NHLRC2: variants seen among roughly 807,000 people sequenced by gnomAD.
The protein encoded by NHLRC2 is NHL repeat-containing protein 2.
Under a neutral mutation model 68.1 loss-of-function variants are expected in NHLRC2, and 33 were observed. That is an observed-to-expected ratio of 0.48 (90% CI 0.37 to 0.65). The LOEUF is 0.65. NHLRC2 is among the 30% of genes least tolerant of loss of function. The pLI is 0.00. For missense variants in NHLRC2, 761 were observed against 853.8 expected, an observed-to-expected ratio of 0.89 and a Z score of 1.35; for synonymous variants, 311 against 309.6, an observed-to-expected ratio of 1.00 and a Z score of -0.05.
intron 4 of NHLRC2, among the ~76,000 whole-genome samples, chr10:113,882,863 T>TGTATATGGTGTGAAGG (rs1846047571): frequency 6.6e-6 from 1 of 151,994 alleles, no homozygotes; most frequent in South Asian, 2.1e-4. Flanking sequence ...AGTTGATTTT[T>TGTATATGGTGTGAAGG]GTATATGGTG....
chr10:113,873,423 A>G (rs1350344377), intron 2 of NHLRC2, among the ~76,000 whole-genome samples: 1 of 152,200 alleles, frequency 6.6e-6, no homozygotes, highest in Non-Finnish European at 1.5e-5. Context: ...ACAACTGGGT[A>G]TAATAATGAG....
At position 113,916,783 on chromosome 10, in the gene NHLRC2, CT is replaced by C. The variant is rs1458685154; in HGVS notation, c.*8249del. On this transcript the variant is annotated 3_prime_UTR_variant, in exon 11 of 11. Transcript: ENST00000369301. ...GGTCTGCTGTGCTAACTTCATGTTT[CT>C]TATTCCAAAGGCTTGATTATATTTT... 1 of 152,132 alleles carries C rather than the reference CT, an allele frequency of 6.6e-6. No individual in the cohort carries two copies. The highest frequency in any genetic ancestry group is 1.5e-5 in the Non-Finnish European group (1 of 68,004). 9.4% of individuals were successfully genotyped at this position (152,132 alleles called of 1,614,324 possible).
chr10:113,895,571 C>G (rs1427115914), intron 5 of NHLRC2, among the ~76,000 whole-genome samples: 1 of 152,054 alleles, frequency 6.6e-6, no homozygotes, highest in East Asian at 1.9e-4. Context: ...AGGGAGCACA[C>G]TAAGGTATAG....
At chr10:113,893,602 G>A (rs1233151418) in intron 5 of NHLRC2, among the ~76,000 whole-genome samples, 1 of 152,114 alleles carries the variant, frequency 6.6e-6, no homozygotes, top group African/African-American at 2.4e-5. Flanking sequence ...ACCCTGACCT[G>A]ACACTGCTGC....
chr10:113,869,448 A>G (rs997364169), intron 2 of NHLRC2, among the ~76,000 whole-genome samples: 3 of 152,186 alleles, frequency 2.0e-5, no homozygotes, highest in African/African-American at 4.8e-5. Flanking sequence ...AATCTTTACC[A>G]TGACTTACAA....
In NHLRC2 at chr10:113,875,867, C is replaced by T. The variant is rs575517393; in HGVS notation, c.332-654C>T. Among the ~76,000 whole-genome samples, 95 of 147,890 alleles carry T rather than the reference C, an allele frequency of 6.4e-4. 2 individuals carry two copies. In the South Asian group the frequency reaches 0.011, roughly 17 times the overall value. On this transcript the variant is annotated intron_variant, in intron 2 of 10. Transcript: ENST00000369301. ...TACTTAGCTGTTATTATCTCTACTACTTTGGTAGTCAATATTGAATTTTTT... is the reference window on the plus strand; with the variant it reads ...TACTTAGCTGTTATTATCTCTACTATTTTGGTAGTCAATATTGAATTTTTT...
At chr10:113,867,117 T>C (rs1306198925) in intron 2 of NHLRC2, among the ~76,000 whole-genome samples, 1 of 152,214 alleles carries the variant, frequency 6.6e-6, no homozygotes, top group Non-Finnish European at 1.5e-5. Context: ...GTATTCAGTA[T>C]AAGCTGTATT....
At chr10:113,882,001 T>A (rs1156740407) in intron 4 of NHLRC2, among the ~76,000 whole-genome samples, 1 of 151,874 alleles carries the variant, frequency 6.6e-6, no homozygotes, top group Non-Finnish European at 1.5e-5. Context: ...AGTTCATGTG[T>A]GAAGTAGCAT....
intron 2 of NHLRC2, among the ~76,000 whole-genome samples, chr10:113,865,185 G>A (rs1472781238): frequency 6.6e-6 from 1 of 151,798 alleles, no homozygotes; most frequent in Admixed American, 6.6e-5. Context: ...TTCTGACCTC[G>A]TGATACGCCT....
At chr10:113,882,989 T>G (rs1031586049) in intron 4 of NHLRC2, among the ~76,000 whole-genome samples, 1 of 151,854 alleles carries the variant, frequency 6.6e-6, no homozygotes, top group Non-Finnish European at 1.5e-5. Flanking sequence ...TGTTAAAAAT[T>G]AGTTGATCAT....
intron 3 of NHLRC2, among the ~76,000 whole-genome samples, chr10:113,877,777 A>G (rs1329776006): frequency 6.6e-6 from 1 of 152,166 alleles, no homozygotes; most frequent in Non-Finnish European, 1.5e-5. Flanking sequence ...TTCCTAATAT[A>G]AAAAAGCTAG....
At chr10:113,863,275 C>G (rs1845833797) in intron 2 of NHLRC2, among the ~76,000 whole-genome samples, 1 of 152,036 alleles carries the variant, frequency 6.6e-6, no homozygotes, top group Non-Finnish European at 1.5e-5. Context: ...AGTATCTTTT[C>G]TGATCACAGA....
At position 113,914,412 on chromosome 10, in the gene NHLRC2, C is replaced by T. The variant is rs1269860517; in HGVS notation, c.*5876C>T. The T allele has an allele frequency of 1.3e-5, 2 of 152,930 alleles. No individual in the cohort carries two copies. The highest frequency in any genetic ancestry group is 4.8e-5 in the African/African-American group (2 of 41,454). The allele number at this position is 152,930 out of a possible 1,614,324, so 9.5% of individuals were successfully genotyped here. On this transcript the variant is annotated 3_prime_UTR_variant, in exon 11 of 11. Transcript: ENST00000369301. ...CGAACTCCTGACCTCAGGTGATCTG[C>T]CTGCCTTGGCCTTCCAAAGTGCTGG...
At chr10:113,873,753 A>G (rs1377360518) in intron 2 of NHLRC2, among the ~76,000 whole-genome samples, 1 of 152,212 alleles carries the variant, frequency 6.6e-6, no homozygotes, top group African/African-American at 2.4e-5. Flanking sequence ...GCAAGGATAA[A>G]CTGAAACCCA....
chr10:113,866,801 G>A (rs573527999), intron 2 of NHLRC2, among the ~76,000 whole-genome samples: 1 of 151,678 alleles, frequency 6.6e-6, no homozygotes, highest in East Asian at 1.9e-4. Context: ...GTACTCACAA[G>A]ATTCAGCATA....
chr10:113,903,459 A>G (rs553846411), intron 8 of NHLRC2, 68 bp from the exon 9 acceptor site: 81 of 934,886 alleles, frequency 8.7e-5, no homozygotes, highest in Non-Finnish European at 1.3e-4. Flanking sequence ...GCTTGATACC[A>G]TACTCTTCCA....
chr10:113,861,204 T>G (rs547521446), intron 2 of NHLRC2, among the ~76,000 whole-genome samples: 15 of 152,148 alleles, frequency 9.9e-5, no homozygotes, highest in Non-Finnish European at 1.9e-4. Context: ...CTAAAGGACC[T>G]TGGAACACCA....
At position 113,915,009 on chromosome 10, in the gene NHLRC2, C is replaced by T. The variant is rs1454234831; in HGVS notation, c.*6473C>T. The T allele has an allele frequency of 1.5e-5, 7 of 456,302 alleles. No individual in the cohort carries two copies. The East Asian group carries it at 4.9e-4, about 32-fold the overall frequency. 28.3% of individuals were successfully genotyped at this position (456,302 alleles called of 1,614,324 possible). On this transcript the variant is annotated 3_prime_UTR_variant, in exon 11 of 11. Transcript: ENST00000369301. ...AGCCTGGGTAAGGTGGAACAGGAGGCAGCCCCACTCGGCTTTTCTGATTGC... is the reference window on the plus strand; with the variant it reads ...AGCCTGGGTAAGGTGGAACAGGAGGTAGCCCCACTCGGCTTTTCTGATTGC...
At chr10:113,876,412 TTTTTAATCTATGGAC>T in intron 2 of NHLRC2, 94 bp from the exon 3 acceptor site, 1 of 615,728 alleles carries the variant, frequency 1.6e-6, no homozygotes, top group East Asian at 2.9e-5. Context: ...TTTTCGTTTT[TTTTTAATCTATGGAC>T]TTTTAATATT....
Sources: allele counts gnomAD v4.1 joint callset (sites outside exome capture counted in the v4.1 genomes callset), GRCh38; gene constraint gnomAD v4.1.1; transcripts MANE v1.5; gene names NCBI Gene and HGNC (gene_info 2026-07-23, HGNC 2026-07-21).